QRICH1: variants seen among roughly 807,000 people sequenced by gnomAD.
QRICH1 encodes transcriptional regulator QRICH1.
In QRICH1, 16 loss-of-function variants were observed where a neutral mutation model predicts 87.1. The observed-to-expected ratio is 0.18, with a 90% CI of 0.12 to 0.28. The LOEUF (loss-of-function observed/expected upper bound fraction) is 0.28. Ranked by LOEUF, QRICH1 falls within the 10% of genes least tolerant of loss-of-function variation. The probability of loss-of-function intolerance (pLI) is 1.00; values close to 1 mark genes in which losing one functional copy is unlikely to be tolerated. For synonymous variants in QRICH1, 367 were observed against 368.4 expected (o/e 1.00, Z 0.05); for missense variants, 647 against 951.7 (o/e 0.68, Z 4.21).
chr3:49,081,450 T>A (rs1355451195), intron 1 of QRICH1, among the ~76,000 whole-genome samples: 1 of 151,892 alleles, frequency 6.6e-6, no homozygotes, highest in Non-Finnish European at 1.5e-5. Flanking sequence ...AGAGTATCTA[T>A]GGAGTTCTCA....
At chr3:49,054,324 T>C (rs1287368406) in intron 3 of QRICH1, among the ~76,000 whole-genome samples, 3 of 152,210 alleles carry the variant, frequency 2.0e-5, no homozygotes, top group Non-Finnish European at 2.9e-5. Context: ...CATAGAGACC[T>C]GTTACAAATC....
intron 1 of QRICH1, among the ~76,000 whole-genome samples, chr3:49,089,270 G>A (rs1245889055): frequency 1.3e-5 from 2 of 152,080 alleles, no homozygotes; most frequent in Non-Finnish European, 2.9e-5. Flanking sequence ...ATGTTGGCCA[G>A]GCTGGTCTGG....
chr3:49,085,714 T>C (rs1575384091), intron 1 of QRICH1, among the ~76,000 whole-genome samples: 2 of 148,974 alleles, frequency 1.3e-5, no homozygotes, highest in African/African-American at 5.0e-5. Flanking sequence ...GCCAAGACCA[T>C]GCCACTGCAC....
intron 2 of QRICH1, among the ~76,000 whole-genome samples, chr3:49,064,826 G>A (rs1170029391): frequency 6.6e-6 from 1 of 152,092 alleles, no homozygotes; most frequent in Non-Finnish European, 1.5e-5. Flanking sequence ...AGACCCGCCT[G>A]GACAAGATGG....
intron 3 of QRICH1, among the ~76,000 whole-genome samples, chr3:49,050,247 TCAA>T (rs2093362518): frequency 5.6e-5 from 1 of 17,976 alleles, no homozygotes; most frequent in Admixed American, 9.5e-4. Flanking sequence ...GGACTCCGTC[TCAA>T]AAAAAAAAAA....
intron 3 of QRICH1, among the ~76,000 whole-genome samples, chr3:49,052,994 A>G (rs1442343254): frequency 1.3e-5 from 2 of 152,226 alleles, no homozygotes; most frequent in Admixed American, 6.5e-5. Flanking sequence ...CAGCAGCAGC[A>G]AGAATCATCT....
intron 2 of QRICH1, among the ~76,000 whole-genome samples, chr3:49,068,575 T>C (rs930608641): frequency 6.6e-6 from 1 of 150,524 alleles, no homozygotes. Context: ...CAGCGAGCCG[T>C]GATCATGCCA....
At chr3:49,069,104 A>T (rs71615482) in intron 2 of QRICH1, among the ~76,000 whole-genome samples, 14,549 of 101,778 alleles carry the variant, frequency 0.14, 1,117 homozygotes, top group Non-Finnish European at 0.17. Context: ...TATTATTATT[A>T]TTATTTTTTT....
At chr3:49,060,891 G>T (rs760505773) in intron 2 of QRICH1, among the ~76,000 whole-genome samples, 20 of 151,810 alleles carry the variant, frequency 1.3e-4, no homozygotes, top group Non-Finnish European at 2.5e-4. Flanking sequence ...AGTACTTTGG[G>T]AGGCTGAGGA....
At chr3:49,065,879 T>G (rs2093465545) in intron 2 of QRICH1, among the ~76,000 whole-genome samples, 1 of 152,050 alleles carries the variant, frequency 6.6e-6, no homozygotes, top group Non-Finnish European at 1.5e-5. Context: ...GAGATGGGGT[T>G]TCACCGTGTT....
chr3:49,057,954 A>C lies in QRICH1; in HGVS notation c.310-64T>G, dbSNP rs769045312. On this transcript the variant is annotated intron_variant, in intron 2 of 9. Coordinates refer to ENST00000395443, the MANE Select transcript of QRICH1 (RefSeq NM_198880.3). This position sits in a 1 kb window ranked among gnomAD's most constrained non-coding sequence, Gnocchi z 5.4. ...GCACTGAAAATCCAGTACCCAAGGA[A>C]AGAAAGAAAAGAGATCCCAGACAGG... 1.1e-5 allele frequency: 17 copies of C among 1,611,836 alleles called. No homozygotes were observed. The South Asian group carries it at 1.9e-4, about 18-fold the overall frequency.
intron 1 of QRICH1, chr3:49,093,600 G>C (rs1332654386): frequency 6.5e-6 from 1 of 154,056 alleles, no homozygotes; most frequent in Non-Finnish European, 1.4e-5. Context: ...AGATATCCGG[G>C]CCGGGAACGC....
At chr3:49,089,931 C>T (rs1027335000) in intron 1 of QRICH1, among the ~76,000 whole-genome samples, 2 of 152,206 alleles carry the variant, frequency 1.3e-5, no homozygotes, top group Admixed American at 6.5e-5. Flanking sequence ...GTAGTACTTT[C>T]GCCAGCATTT....
chr3:49,061,293 A>G (rs1245975013), intron 2 of QRICH1, among the ~76,000 whole-genome samples: 2 of 152,116 alleles, frequency 1.3e-5, no homozygotes, highest in Non-Finnish European at 2.9e-5. Context: ...CCACTGCTTT[A>G]GAGTGCTTAC....
chr3:49,065,541 C>A (rs1445667633), intron 2 of QRICH1, among the ~76,000 whole-genome samples: 1 of 152,002 alleles, frequency 6.6e-6, no homozygotes, highest in East Asian at 2.0e-4. Flanking sequence ...TTATACATCA[C>A]ACATGGCCTC....
At chr3:49,078,837 G>A (rs2042003332) in intron 1 of QRICH1, among the ~76,000 whole-genome samples, 2 of 151,332 alleles carry the variant, frequency 1.3e-5, no homozygotes, top group South Asian at 4.2e-4. Flanking sequence ...GACTACAGGT[G>A]CCCACCACCA....
intron 1 of QRICH1, among the ~76,000 whole-genome samples, chr3:49,089,066 CTTTTT>C (rs995342605): frequency 3.5e-5 from 5 of 143,250 alleles, no homozygotes; most frequent in East Asian, 2.0e-4. Flanking sequence ...TTTTTCTTTT[CTTTTT>C]TTTTTTTTAA....
In QRICH1 at chr3:49,034,379, C is replaced by T. The variant is rs1195195645; in HGVS notation, c.1787-1151G>A. Among the ~76,000 whole-genome samples, 4 of 150,400 alleles carry T rather than the reference C, an allele frequency of 2.7e-5. No homozygotes were observed. In the East Asian group the frequency reaches 7.9e-4, roughly 30 times the overall value. On this transcript the variant is annotated intron_variant, in intron 6 of 9. Transcript: ENST00000395443. ...ATTCCTTGGGCCTGGGAGGTCAAGG[C>T]TGCAGTGAGCCGTGATCGCACCACT...
intron 8 of QRICH1, 26 bp from the exon 9 acceptor site, chr3:49,032,299 A>G (rs2093245883): frequency 6.4e-7 from 1 of 1,565,980 alleles, no homozygotes; most frequent in African/African-American, 1.4e-5. Flanking sequence ...CCCCACCACC[A>G]CAGACCTGGC....
Sources: allele counts gnomAD v4.1 joint callset (sites outside exome capture counted in the v4.1 genomes callset), GRCh38; gene constraint gnomAD v4.1.1; non-coding constraint Gnocchi (gnomAD v3.1); transcripts MANE v1.5; gene names NCBI Gene and HGNC (gene_info 2026-07-23, HGNC 2026-07-21).